The following FAM117B variants were observed in gnomAD, a reference collection of about 807,000 sequenced individuals.
The protein encoded by FAM117B is protein FAM117B.
In FAM117B, 22 loss-of-function variants were observed where a neutral mutation model predicts 52.8. The ratio of observed to expected loss-of-function variants is 0.42; its 90% CI spans 0.30 to 0.59. The LOEUF (loss-of-function observed/expected upper bound fraction) is 0.59, where lower values mean the gene tolerates loss of function less well. Among genes scored for constraint, FAM117B ranks in the 20% least tolerant of loss-of-function variants. The probability of loss-of-function intolerance (pLI) is 0.22; values close to 1 mark genes in which losing one functional copy is unlikely to be tolerated. For missense variants in FAM117B, 678 were observed against 802.6 expected (o/e 0.84, Z 1.88); for synonymous variants, 309 against 324.1 (o/e 0.95, Z 0.50).
chr2:202,674,427 A>T (rs903443770), intron 1 of FAM117B, among the ~76,000 whole-genome samples: 9 of 152,234 alleles, frequency 5.9e-5, no homozygotes, highest in African/African-American at 2.2e-4. Flanking sequence ...AATAATACTT[A>T]GTATAACTGA....
intron 2 of FAM117B, among the ~76,000 whole-genome samples, chr2:202,712,164 T>C (rs1198226056): frequency 1.3e-5 from 2 of 152,164 alleles, no homozygotes; most frequent in Non-Finnish European, 2.9e-5. Context: ...ATCTATTCTT[T>C]TAATCCATGA....
intron 2 of FAM117B, among the ~76,000 whole-genome samples, chr2:202,719,640 A>G (rs1207475344): frequency 6.6e-6 from 1 of 152,162 alleles, no homozygotes; most frequent in Admixed American, 6.5e-5. Context: ...AATTCAGGAG[A>G]TGTAAGATTG....
chr2:202,654,830 T>A (rs1690027690), intron 1 of FAM117B, among the ~76,000 whole-genome samples: 1 of 152,092 alleles, frequency 6.6e-6, no homozygotes, highest in East Asian at 1.9e-4. Context: ...TCTGTCAAAT[T>A]TATAAACTTC....
At chr2:202,676,375 G>GTTTTTTTTTTTT (rs71030983) in intron 1 of FAM117B, among the ~76,000 whole-genome samples, 2 of 130,936 alleles carry the variant, frequency 1.5e-5, no homozygotes, top group African/African-American at 2.7e-5. Context: ...AATATTCCTT[G>GTTTTTTTTTTTT]TTTTTTTTTT....
chr2:202,677,193 G>A (rs1004163361), intron 1 of FAM117B, among the ~76,000 whole-genome samples: 63 of 151,532 alleles, frequency 4.2e-4, no homozygotes, highest in Admixed American at 4.1e-3. Context: ...TCAGCCTCCC[G>A]AGTAGCTGGG....
At chr2:202,738,671 G>A (rs948289986) in intron 4 of FAM117B, among the ~76,000 whole-genome samples, 1 of 152,162 alleles carries the variant, frequency 6.6e-6, no homozygotes, top group African/African-American at 2.4e-5. Context: ...TTGGTAGGAT[G>A]TAAGTTTAGT....
intron 2 of FAM117B, among the ~76,000 whole-genome samples, chr2:202,717,122 T>A (rs1691069966): frequency 6.6e-6 from 1 of 152,206 alleles, no homozygotes; most frequent in South Asian, 2.1e-4. Flanking sequence ...GTCTTTGTAG[T>A]CCAGGCTTGT....
chr2:202,640,295 A>AATATATATATATATATATATATAT (rs539187347), intron 1 of FAM117B, among the ~76,000 whole-genome samples: 1 of 51,312 alleles, frequency 1.9e-5, no homozygotes, highest in Non-Finnish European at 3.4e-5. Context: ...ACCACCACAA[A>AATATATATATATATATATATATAT]ATATATATAT....
chr2:202,681,451 A>G lies in FAM117B; in HGVS notation c.602-14430A>G, dbSNP rs1253969754. 2.6e-5 allele frequency among the ~76,000 whole-genome samples: 4 copies of G among 152,230 alleles called. No homozygotes were observed. The East Asian group carries it at 5.8e-4, about 22-fold the overall frequency. On this transcript the variant is annotated intron_variant, in intron 1 of 7. Coordinates refer to ENST00000392238, the MANE Select transcript of FAM117B (RefSeq NM_173511.4). ...AACAGGTTTAAAGTATAAAGATGGA[A>G]TAAGATGCACTGTACAAAACTGAGC...
At position 202,669,871 on chromosome 2, in the gene FAM117B, C is replaced by T. The variant is rs560478169; in HGVS notation, c.602-26010C>T. 3.9e-5 allele frequency among the ~76,000 whole-genome samples: 6 copies of T among 152,256 alleles called. No homozygotes were observed. In the South Asian group the frequency reaches 1.2e-3, roughly 32 times the overall value. On this transcript the variant is annotated intron_variant, in intron 1 of 7. Transcript: ENST00000392238. ...CTAGACTCTTGATTGCAAATGACAA[C>T]TCAGCTTAAACTAAGCAGAATGACA...
At chr2:202,641,878 G>T (rs546845609) in intron 1 of FAM117B, among the ~76,000 whole-genome samples, 1 of 151,444 alleles carries the variant, frequency 6.6e-6, no homozygotes, top group Non-Finnish European at 1.5e-5. Context: ...ACCTCAGGCG[G>T]TCCATCCGCC....
intron 4 of FAM117B, among the ~76,000 whole-genome samples, chr2:202,754,330 A>T (rs776090137): frequency 1.3e-5 from 2 of 152,286 alleles, no homozygotes; most frequent in Admixed American, 1.3e-4. Context: ...AACAATGAGA[A>T]CACATGGGCA....
intron 2 of FAM117B, among the ~76,000 whole-genome samples, chr2:202,704,510 G>A (rs1386260861): frequency 1.3e-5 from 2 of 152,158 alleles, no homozygotes; most frequent in Non-Finnish European, 1.5e-5. Context: ...GAGTATGTTG[G>A]AAATACTTTA....
At position 202,719,538 on chromosome 2, in the gene FAM117B, A is replaced by AGTAAGTT. The variant is rs1434393584; in HGVS notation, c.754-5379_754-5378insGTAAGTT. Among the ~76,000 whole-genome samples the AGTAAGTT allele has an allele frequency of 2.0e-5, 3 of 152,174 alleles. No individual in the cohort carries two copies. In the East Asian group the frequency reaches 5.8e-4, roughly 29 times the overall value. On this transcript the variant is annotated intron_variant, in intron 2 of 7. Coordinates refer to ENST00000392238, the MANE Select transcript of FAM117B (RefSeq NM_173511.4). Reference sequence around the variant, plus strand: ...ATGTACAATTATGTTATAATTTGCTAATCGTTAGTAAGTTGCAGACATTCT... The same window carrying AGTAAGTT: ...ATGTACAATTATGTTATAATTTGCTAGTAAGTTATCGTTAGTAAGTTGCAGACATTCT...
intron 1 of FAM117B, among the ~76,000 whole-genome samples, chr2:202,661,996 A>G (rs556642112): frequency 4.6e-5 from 7 of 152,144 alleles, no homozygotes; most frequent in East Asian, 3.9e-4. Flanking sequence ...TGAAATCAGT[A>G]TGTCGAAGAG....
chr2:202,722,075 A>C (rs989463250), intron 2 of FAM117B, among the ~76,000 whole-genome samples: 3 of 141,418 alleles, frequency 2.1e-5, no homozygotes, highest in Non-Finnish European at 4.5e-5. Context: ...CAGTGGCGAG[A>C]TCTCAGCTCA....
chr2:202,664,776 C>G (rs1328133697), intron 1 of FAM117B, among the ~76,000 whole-genome samples: 1 of 151,814 alleles, frequency 6.6e-6, no homozygotes, highest in Non-Finnish European at 1.5e-5. Flanking sequence ...TTTGGCCTCG[C>G]TTATAAGAAG....
chr2:202,742,910 C>T (rs1314670273), intron 4 of FAM117B, among the ~76,000 whole-genome samples: 1 of 152,222 alleles, frequency 6.6e-6, no homozygotes, highest in Non-Finnish European at 1.5e-5. Flanking sequence ...TGAGGATTGG[C>T]CCATGCAGCC....
chr2:202,758,667 C>T (rs1275688596), intron 6 of FAM117B, among the ~76,000 whole-genome samples: 1 of 152,124 alleles, frequency 6.6e-6, no homozygotes, highest in African/African-American at 2.4e-5. Flanking sequence ...AATGTTCCTC[C>T]TGATAGGGTT....
Sources: allele counts gnomAD v4.1 joint callset (sites outside exome capture counted in the v4.1 genomes callset), GRCh38; gene constraint gnomAD v4.1.1; transcripts MANE v1.5; gene names NCBI Gene and HGNC (gene_info 2026-07-23, HGNC 2026-07-21).